Variants in EXOC2 observed in about 807,000 individuals in gnomAD.
The protein encoded by EXOC2 is SEC5-like 1.
In EXOC2, 70 loss-of-function variants were observed where a neutral mutation model predicts 131.8. The observed-to-expected ratio is 0.53, with a 90% CI of 0.44 to 0.65. The LOEUF (loss-of-function observed/expected upper bound fraction) is 0.65, where lower values mean the gene tolerates loss of function less well. EXOC2 is among the 30% of genes least tolerant of loss of function. The pLI, the probability that EXOC2 is intolerant of heterozygous loss-of-function variation, is 0.00. For synonymous variants in EXOC2, 411 were observed against 398.4 expected (o/e 1.03, Z -0.38); for missense variants, 923 against 1,108.6 (o/e 0.83, Z 2.38).
At chr6:529,465 G>T (rs1765947565) in intron 23 of EXOC2, among the ~76,000 whole-genome samples, 1 of 152,210 alleles carries the variant, frequency 6.6e-6, no homozygotes, top group African/African-American at 2.4e-5. Flanking sequence ...AACAATCGGA[G>T]ATTTCAGTGA....
intron 23 of EXOC2, among the ~76,000 whole-genome samples, chr6:507,802 G>A (rs542866446): frequency 2.7e-4 from 41 of 152,304 alleles, no homozygotes; most frequent in Admixed American, 6.5e-4. Flanking sequence ...CAGGCAGACA[G>A]GATTCTTCTT....
At chr6:597,332 A>G (rs1031431921) in intron 10 of EXOC2, among the ~76,000 whole-genome samples, 7 of 151,976 alleles carry the variant, frequency 4.6e-5, no homozygotes, top group Admixed American at 3.9e-4. Context: ...GCACATCACC[A>G]TGCCAGGCTG....
chr6:673,904 C>T (rs1191939267), intron 1 of EXOC2, among the ~76,000 whole-genome samples: 1 of 152,106 alleles, frequency 6.6e-6, no homozygotes. Context: ...TTACCACAAA[C>T]CTTCATTTTG....
chr6:678,134 A>C (rs1052418153), intron 1 of EXOC2, among the ~76,000 whole-genome samples: 1 of 152,200 alleles, frequency 6.6e-6, no homozygotes, highest in African/African-American at 2.4e-5. Flanking sequence ...AAGTGGATTG[A>C]CCAATATGGG....
At chr6:486,920 G>A (rs1763098323) in intron 27 of EXOC2, among the ~76,000 whole-genome samples, 156 bp from the exon 28 acceptor site, 1 of 5,072 alleles carries the variant, frequency 2.0e-4, no homozygotes, top group Non-Finnish European at 1.3e-3. Flanking sequence ...CTCAGCAAAA[G>A]AAACACATCA....
At chr6:545,851 C>A (rs374036602) in intron 22 of EXOC2, among the ~76,000 whole-genome samples, 3 of 152,132 alleles carry the variant, frequency 2.0e-5, no homozygotes, top group East Asian at 3.9e-4. Context: ...ACTACGTATA[C>A]CCACATTAAC....
At chr6:580,466 G>A (rs894549830) in intron 11 of EXOC2, among the ~76,000 whole-genome samples, 2 of 152,112 alleles carry the variant, frequency 1.3e-5, no homozygotes, top group African/African-American at 4.8e-5. Flanking sequence ...ATTTTCTATA[G>A]AAATTAACTG....
At position 486,631 on chromosome 6, in the gene EXOC2, T is replaced by C. The variant is rs1235260867; in HGVS notation, c.*40A>G. The C allele has an allele frequency of 1.2e-5, 18 of 1,521,710 alleles. No homozygotes were observed. The highest frequency in any genetic ancestry group is 1.6e-5 in the Non-Finnish European group (17 of 1,095,772). 94.3% of individuals were successfully genotyped at this position (1,521,710 alleles called of 1,614,324 possible). A position where few individuals can be genotyped will look rare whatever the true frequency, so the allele number is the denominator to read the frequency against. On this transcript the variant is annotated 3_prime_UTR_variant, in exon 28 of 28. Transcript: ENST00000230449. ...GTACTTAGAGAGTGAACAGTCTTAT[T>C]ACGTGTTATTTTCCTGGACTTCTTT... is the stretch of plus-strand genomic sequence containing the variant.
intron 23 of EXOC2, among the ~76,000 whole-genome samples, chr6:531,102 G>A (rs1477444888): frequency 1.3e-5 from 2 of 152,180 alleles, no homozygotes; most frequent in Non-Finnish European, 2.9e-5. Context: ...CAGGGAGAAT[G>A]AGCCTCCTCG....
At chr6:538,361 G>A (rs1277919636) in intron 22 of EXOC2, among the ~76,000 whole-genome samples, 1 of 152,196 alleles carries the variant, frequency 6.6e-6, no homozygotes, top group East Asian at 1.9e-4. Flanking sequence ...AACTGGGTCT[G>A]CTTGATTCCT....
At chr6:666,356 A>G (rs533406754) in intron 1 of EXOC2, among the ~76,000 whole-genome samples, 120 of 152,348 alleles carry the variant, frequency 7.9e-4, no homozygotes, top group Non-Finnish European at 1.2e-3. Flanking sequence ...CACGGCAGTC[A>G]TACTGATGCA....
At chr6:676,817 G>C (rs373301564) in intron 1 of EXOC2, among the ~76,000 whole-genome samples, 1 of 75,452 alleles carries the variant, frequency 1.3e-5, no homozygotes. Context: ...TCAACATTAC[G>C]GAAAGGACAG....
At chr6:505,140 A>G (rs370421128) in intron 23 of EXOC2, among the ~76,000 whole-genome samples, 1 of 131,496 alleles carries the variant, frequency 7.6e-6, no homozygotes, top group East Asian at 2.0e-4. Flanking sequence ...ACAACGGCAG[A>G]AAAAAAAAAC....
chr6:570,282 C>T (rs891724443), intron 13 of EXOC2, among the ~76,000 whole-genome samples: 2 of 151,930 alleles, frequency 1.3e-5, no homozygotes, highest in African/African-American at 2.4e-5. Flanking sequence ...TACAGGCGCC[C>T]GCCACCACGC....
At chr6:679,994 C>A (rs1409191979) in intron 1 of EXOC2, among the ~76,000 whole-genome samples, 2 of 151,658 alleles carry the variant, frequency 1.3e-5, no homozygotes, top group Non-Finnish European at 2.9e-5. Flanking sequence ...CAAAACCAGA[C>A]CCTTGCTCTA....
chr6:617,610 G>T, intron 6 of EXOC2, 101 bp downstream of exon 6: 1 of 1,411,396 alleles, frequency 7.1e-7, no homozygotes. Context: ...TCTCTACTTT[G>T]ATAAAAACAG....
intron 2 of EXOC2, among the ~76,000 whole-genome samples, chr6:636,733 A>C (rs1165298589): frequency 3.9e-5 from 6 of 152,248 alleles, no homozygotes; most frequent in African/African-American, 7.2e-5. Context: ...ATATTCATTC[A>C]GTAGCACAGA....
intron 13 of EXOC2, among the ~76,000 whole-genome samples, chr6:567,866 G>A (rs182992994): frequency 1.4e-4 from 22 of 152,298 alleles, no homozygotes; most frequent in African/African-American, 4.8e-4. Context: ...GAGTGGCCCC[G>A]GGAGGCAGAT....
At chr6:564,398 C>G (rs1757858371) in intron 15 of EXOC2, 147 bp downstream of exon 15, 3 of 1,214,278 alleles carry the variant, frequency 2.5e-6, no homozygotes, top group Admixed American at 4.4e-5. Flanking sequence ...AGGAGCTTAG[C>G]TGTCAGATGA....
Sources: allele counts gnomAD v4.1 joint callset (sites outside exome capture counted in the v4.1 genomes callset), GRCh38; gene constraint gnomAD v4.1.1; transcripts MANE v1.5; gene names NCBI Gene and HGNC (gene_info 2026-07-23, HGNC 2026-07-21).